EMSY: variants seen among roughly 807,000 people sequenced by gnomAD.
EMSY encodes BRCA2-interacting transcriptional repressor EMSY.
Under a neutral mutation model 134.6 loss-of-function variants are expected in EMSY, and 26 were observed. The observed-to-expected ratio is 0.19, with a 90% CI of 0.14 to 0.27. The LOEUF (loss-of-function observed/expected upper bound fraction) is 0.27, where lower values mean the gene tolerates loss of function less well. Ranked by LOEUF, EMSY falls within the 10% of genes least tolerant of loss-of-function variation. The pLI, the probability that EMSY is intolerant of heterozygous loss-of-function variation, is 1.00. For synonymous variants in EMSY, 579 were observed against 577.8 expected, an observed-to-expected ratio of 1.00 and a Z score of -0.03; for missense variants, 1,305 against 1,611.4, an observed-to-expected ratio of 0.81 and a Z score of 3.26.
intron 7 of EMSY, 61 bp from the exon 9 acceptor site, chr11:76,472,503 G>T: frequency 7.1e-7 from 1 of 1,415,840 alleles, no homozygotes; most frequent in South Asian, 1.3e-5. Context: ...AACTAACTGT[G>T]AGTCTAGATA....
intron 9 of EMSY, among the ~76,000 whole-genome samples, chr11:76,503,300 C>CAAAAAAAAAA (rs61098325): frequency 5.5e-4 from 39 of 70,640 alleles, no homozygotes; most frequent in Admixed American, 7.3e-4. Context: ...GGCGTGGTCT[C>CAAAAAAAAAA]AAAAAAAAAA....
rs7929669 is a variant in EMSY, at chr11:76,480,635, G to A, written c.1108+7795G>A. ...TGGGGGAGTTGCTGGCAAGGTAGCC[G>A]AATAGGAACAGCTCTGGTCTGCAGC... is the stretch of plus-strand genomic sequence containing the variant. On this transcript the variant is annotated intron_variant, in intron 8 of 20. Coordinates refer to ENST00000334736, the Ensembl canonical transcript of EMSY. Among the ~76,000 whole-genome samples the A allele has an allele frequency of 5.3e-5, 8 of 152,096 alleles. No individual in the cohort carries two copies. The East Asian group carries it at 5.8e-4, about 11-fold the overall frequency.
At chr11:76,446,353 A>ATG (rs1331588748) in intron 1 of EMSY, among the ~76,000 whole-genome samples, 1 of 149,160 alleles carries the variant, frequency 6.7e-6, no homozygotes, top group Non-Finnish European at 1.5e-5. Flanking sequence ...ATATGTGTAT[A>ATG]TATATATATG....
rs965175345 is a variant in EMSY, at chr11:76,539,598, G to C, written c.2516-1G>C. On this transcript the variant is annotated splice_acceptor_variant, in intron 16 of 20. Coordinates refer to ENST00000334736, the Ensembl canonical transcript of EMSY. LOFTEE classifies it high-confidence loss of function. ...ATTTCTTCCCTTACTTATCCTTTCA[G>C]AACGCACTGATGAGGGGACAGAGGT... 1 of 1,613,856 alleles carries C rather than the reference G, an allele frequency of 6.2e-7. No homozygotes were observed. The highest frequency in any genetic ancestry group is 8.5e-7 in the Non-Finnish European group (1 of 1,179,790).
chr11:76,467,217 G>T (rs1016555296), intron 7 of EMSY, among the ~76,000 whole-genome samples: 3 of 152,114 alleles, frequency 2.0e-5, no homozygotes, highest in African/African-American at 7.2e-5. Flanking sequence ...CCCTATATTA[G>T]GTGGCATCAG....
intron 16 of EMSY, among the ~76,000 whole-genome samples, chr11:76,539,251 G>A (rs923578554): frequency 2.0e-5 from 3 of 152,076 alleles, no homozygotes; most frequent in Non-Finnish European, 4.4e-5. Flanking sequence ...TGACTTATGA[G>A]GCAATATGTA....
At position 76,549,936 on chromosome 11, in the gene EMSY, G is replaced by A. The variant is rs528046944; in HGVS notation, c.3775-16G>A. ...CTTTTCTTACCATAAAGATTCTCCT[G>A]TGTCTTCTCTTCCAGGCTATTCCTC... On this transcript the variant is annotated splice_polypyrimidine_tract_variant and intron_variant, in intron 20 of 20. Coordinates refer to ENST00000334736, the Ensembl canonical transcript of EMSY. 4.0e-5 allele frequency: 62 copies of A among 1,559,286 alleles called. No individual in the cohort carries two copies. The Admixed American group carries it at 4.0e-4, about 10-fold the overall frequency.
intron 18 of EMSY, among the ~76,000 whole-genome samples, chr11:76,542,763 T>G (rs1235161187): frequency 6.6e-6 from 1 of 151,362 alleles, no homozygotes; most frequent in Non-Finnish European, 1.5e-5. Flanking sequence ...GTTTTTTTTT[T>G]TTTTTGCTTT....
chr11:76,545,431 T>G (rs1350852578), intron 19 of EMSY, among the ~76,000 whole-genome samples: 1 of 152,106 alleles, frequency 6.6e-6, no homozygotes, highest in African/African-American at 2.4e-5. Flanking sequence ...AGCAAAAGAT[T>G]GGAAAAAATC....
intron 8 of EMSY, among the ~76,000 whole-genome samples, chr11:76,491,011 C>A (rs1458566064): frequency 6.6e-6 from 1 of 152,048 alleles, no homozygotes; most frequent in East Asian, 1.9e-4. Flanking sequence ...CTTCTATTAT[C>A]TCGAATATAC....
At chr11:76,466,721 G>A (rs1047954678) in intron 7 of EMSY, among the ~76,000 whole-genome samples, 5 of 152,160 alleles carry the variant, frequency 3.3e-5, no homozygotes, top group Non-Finnish European at 5.9e-5. Flanking sequence ...TCTATTTTCA[G>A]TCTGAAGATG....
chr11:76,502,697 A>G (rs146201301), intron 9 of EMSY, among the ~76,000 whole-genome samples: 1 of 152,146 alleles, frequency 6.6e-6, no homozygotes, highest in East Asian at 1.9e-4. Context: ...TCCATTTATA[A>G]TAGCACCAAA....
intron 7 of EMSY, among the ~76,000 whole-genome samples, chr11:76,472,270 G>C (rs898305148): frequency 7.9e-5 from 12 of 152,148 alleles, no homozygotes; most frequent in African/African-American, 2.9e-4. Context: ...TTTCTAGAAA[G>C]AGTGTGCCAA....
intron 11 of EMSY, among the ~76,000 whole-genome samples, chr11:76,522,056 T>G (rs145774163): frequency 2.0e-5 from 3 of 152,064 alleles, no homozygotes; most frequent in African/African-American, 4.8e-5. Flanking sequence ...TAAAATTTTT[T>G]GAAAAAGAGA....
intron 3 of EMSY, 26 bp downstream of exon 3, chr11:76,451,983 ACT>A (rs747111567): frequency 7.1e-7 from 1 of 1,406,242 alleles, no homozygotes; most frequent in Admixed American, 2.5e-5. Context: ...TGTTTGTGAG[ACT>A]CTAGAAATTT....
chr11:76,492,272 G>T (rs1021383171), intron 8 of EMSY, among the ~76,000 whole-genome samples: 1 of 152,132 alleles, frequency 6.6e-6, no homozygotes, highest in Admixed American at 6.5e-5. Flanking sequence ...TCAGGAGTTT[G>T]AGAGCAGCCT....
chr11:76,477,462 T>C (rs1205921000), intron 8 of EMSY, among the ~76,000 whole-genome samples: 2 of 152,092 alleles, frequency 1.3e-5, no homozygotes, highest in African/African-American at 4.8e-5. Context: ...GGTAATCTTT[T>C]TAATTTTTAT....
rs1948251412 is a variant in EMSY at position 76,464,090 on chromosome 11, G to A, written c.831+10G>A. On this transcript the variant is annotated intron_variant, in intron 7 of 20. Coordinates refer to ENST00000334736, the Ensembl canonical transcript of EMSY. Reference sequence around the variant, plus strand: ...CACAACAACACAGAAGGTATGTGGTGGAGGGAGTCTCTGCCTGCCAATTGT... The same window carrying A: ...CACAACAACACAGAAGGTATGTGGTAGAGGGAGTCTCTGCCTGCCAATTGT... 1 of 1,613,602 alleles carries A rather than the reference G, an allele frequency of 6.2e-7. No homozygotes were observed. The highest frequency in any genetic ancestry group is 1.1e-5 in the South Asian group (1 of 91,018).
intron 17 of EMSY, among the ~76,000 whole-genome samples, chr11:76,540,951 G>A (rs1400206978): frequency 6.6e-6 from 1 of 152,220 alleles, no homozygotes; most frequent in African/African-American, 2.4e-5. Flanking sequence ...GAGGCCAAGT[G>A]TGGTGGCTCA....
Sources: allele counts gnomAD v4.1 joint callset (sites outside exome capture counted in the v4.1 genomes callset), GRCh38; gene constraint gnomAD v4.1.1; transcripts MANE v1.5; gene names NCBI Gene and HGNC (gene_info 2026-07-23, HGNC 2026-07-21).